The following HIVEP3 variants were observed in gnomAD, a reference collection of about 807,000 sequenced individuals.
HIVEP3 encodes the protein transcription factor HIVEP3.
Under a neutral mutation model 152.8 loss-of-function variants are expected in HIVEP3, and 49 were observed. That is an observed-to-expected ratio of 0.32 (90% CI 0.26 to 0.41). The LOEUF (loss-of-function observed/expected upper bound fraction) is 0.41, where lower values mean the gene tolerates loss of function less well. HIVEP3 is among the 10% of genes least tolerant of loss of function. The pLI is 1.00. For synonymous variants in HIVEP3, 1,269 were observed against 1,289.0 expected (o/e 0.98, Z 0.33); for missense variants, 2,790 against 3,103.3 (o/e 0.90, Z 2.40).
intron 2 of HIVEP3, among the ~76,000 whole-genome samples, chr1:41,651,411 CAAAAA>C (rs35508121): frequency 1.1e-5 from 1 of 89,064 alleles, no homozygotes. Flanking sequence ...AACTCCATCT[CAAAAA>C]AAAAAAAAAA....
intron 1 of HIVEP3, among the ~76,000 whole-genome samples, chr1:41,972,661 GA>G (rs1172822913): frequency 6.6e-6 from 1 of 152,222 alleles, no homozygotes; most frequent in Non-Finnish European, 1.5e-5. Context: ...GCATGTAACA[GA>G]TGAGCTTCAA....
intron 1 of HIVEP3, among the ~76,000 whole-genome samples, chr1:41,859,499 A>G (rs996754520): frequency 1.3e-4 from 20 of 152,206 alleles, no homozygotes; most frequent in African/African-American, 4.6e-4. Flanking sequence ...AAGAGGCAGG[A>G]GAATGTAAGG....
chr1:41,956,281 G>C (rs563416893), intron 1 of HIVEP3, among the ~76,000 whole-genome samples: 1 of 152,352 alleles, frequency 6.6e-6, no homozygotes, highest in East Asian at 1.9e-4. Context: ...ACACACTGGA[G>C]ATGGGGCTGT....
chr1:41,821,141 C>G (rs1642582610), intron 1 of HIVEP3, among the ~76,000 whole-genome samples: 1 of 152,208 alleles, frequency 6.6e-6, no homozygotes, highest in Non-Finnish European at 1.5e-5. Flanking sequence ...GTGACTCCAG[C>G]TTCAGAGACT....
chr1:41,731,822 C>T (rs1198263387), intron 1 of HIVEP3, among the ~76,000 whole-genome samples: 1 of 152,250 alleles, frequency 6.6e-6, no homozygotes, highest in Non-Finnish European at 1.5e-5. Flanking sequence ...AACTGCTCAG[C>T]TAAGCTGCTT....
chr1:41,693,946 C>T (rs541141637), intron 2 of HIVEP3, among the ~76,000 whole-genome samples: 35 of 152,196 alleles, frequency 2.3e-4, no homozygotes, highest in Non-Finnish European at 4.4e-4. Flanking sequence ...CCAATCCTCA[C>T]GTACACTGAT....
At chr1:41,609,675 C>T (rs977724517) in intron 3 of HIVEP3, among the ~76,000 whole-genome samples, 2 of 152,252 alleles carry the variant, frequency 1.3e-5, no homozygotes, top group Non-Finnish European at 2.9e-5. Flanking sequence ...GGAGGCCTCA[C>T]CTCTCTCATT....
At chr1:41,817,303 C>A (rs541974953) in intron 1 of HIVEP3, among the ~76,000 whole-genome samples, 1 of 151,878 alleles carries the variant, frequency 6.6e-6, no homozygotes, top group Admixed American at 6.6e-5. Flanking sequence ...ATCAGACAGA[C>A]AATAATTTGG....
intron 1 of HIVEP3, among the ~76,000 whole-genome samples, chr1:41,882,939 G>A (rs2124429258): frequency 6.6e-6 from 1 of 152,232 alleles, no homozygotes; most frequent in South Asian, 2.1e-4. Context: ...ATATGAGACA[G>A]GGCTGAACTG....
chr1:41,652,629 CG>C (rs1645569398), intron 2 of HIVEP3, among the ~76,000 whole-genome samples: 2 of 152,166 alleles, frequency 1.3e-5, no homozygotes. Context: ...AGGTGAAGAT[CG>C]GCCTAGTGAG....
At chr1:41,858,400 G>A (rs1036539739) in intron 1 of HIVEP3, among the ~76,000 whole-genome samples, 1 of 152,146 alleles carries the variant, frequency 6.6e-6, no homozygotes, top group Admixed American at 6.6e-5. Flanking sequence ...ATGGGAAAAA[G>A]GATGAGATGT....
At chr1:41,612,439 C>T (rs145690210) in intron 3 of HIVEP3, among the ~76,000 whole-genome samples, 3 of 152,210 alleles carry the variant, frequency 2.0e-5, no homozygotes, top group Admixed American at 6.5e-5. Flanking sequence ...GCTCCAACTG[C>T]CCCCTAAGAC....
At chr1:41,648,983 C>T (rs1645504398) in intron 2 of HIVEP3, among the ~76,000 whole-genome samples, 1 of 152,232 alleles carries the variant, frequency 6.6e-6, no homozygotes, top group Admixed American at 6.5e-5. Context: ...GCCTCTGCGT[C>T]CTTGTCTGCA....
At chr1:41,818,655 G>A (rs750224701) in intron 1 of HIVEP3, among the ~76,000 whole-genome samples, 4 of 152,126 alleles carry the variant, frequency 2.6e-5, no homozygotes, top group Admixed American at 2.0e-4. Context: ...ATACCATACC[G>A]AATGAAAACG....
intron 1 of HIVEP3, among the ~76,000 whole-genome samples, chr1:41,727,129 A>G (rs549301047): frequency 1.3e-5 from 2 of 152,282 alleles, no homozygotes; most frequent in Non-Finnish European, 2.9e-5. Flanking sequence ...GGAGATGCAG[A>G]GCTGGTGTTC....
Position 41,691,321 on chromosome 1 carries a change from T to C in HIVEP3, c.-721+9595A>G, listed in dbSNP as rs116398805. On this transcript the variant is annotated intron_variant, in intron 2 of 8. Transcript: ENST00000372583. ...CTGTAAAAAGTTAAAGCATTATCAG[T>C]ATAAAGAAGAAGAGAAAAAAATCCT... Among the ~76,000 whole-genome samples the C allele has an allele frequency of 6.1e-3, 923 of 152,314 alleles. 13 individuals carry two copies. Among genetic ancestry groups the C allele is most frequent in the African/African-American group, 0.021 (890 of 41,560 alleles).
Position 41,581,787 on chromosome 1 carries a change from T to C in HIVEP3, c.3011A>G (p.His1004Arg), listed in dbSNP as rs1644414113. The C allele has an allele frequency of 6.3e-7, 1 of 1,587,082 alleles. No homozygotes were observed. The highest frequency in any genetic ancestry group is 2.2e-5 in the East Asian group (1 of 44,662). Reference sequence around the variant, plus strand: ...GGATTTGCTGCGTGTCTCGGTCATGTGGGCAGAATGGGAAACGTTGGGGCT... The same window carrying C: ...GGATTTGCTGCGTGTCTCGGTCATGCGGGCAGAATGGGAAACGTTGGGGCT... The part of the protein sequence containing the change: ...EQSPNVSHSA[H>R]MTETRSKSFD... The change falls in exon 4 of 9, where the codon CAC (histidine) becomes CGC (arginine). Residue 1004 changes from histidine to arginine, a missense_variant. Around this residue, in one of 9 missense-constraint regions of HIVEP3, gnomAD observed 1,078 missense variants for 1,165.3 expected, o/e 0.93. Transcript: ENST00000372583. This position sits in a 1 kb window ranked among gnomAD's most constrained non-coding sequence, Gnocchi z 4.5.
intron 5 of HIVEP3, among the ~76,000 whole-genome samples, chr1:41,540,706 C>T (rs1471423463): frequency 1.3e-5 from 2 of 152,156 alleles, no homozygotes; most frequent in African/African-American, 4.8e-5. Flanking sequence ...GGTAGCTCAG[C>T]CAAAAGGCAG....
At chr1:41,751,207 T>C (rs1461694431) in intron 1 of HIVEP3, among the ~76,000 whole-genome samples, 2 of 151,590 alleles carry the variant, frequency 1.3e-5, no homozygotes, top group African/African-American at 4.9e-5. Flanking sequence ...GCTCTGAGGA[T>C]AAAAAGTGAC....
Sources: allele counts gnomAD v4.1 joint callset (sites outside exome capture counted in the v4.1 genomes callset), GRCh38; gene constraint gnomAD v4.1.1; regional missense constraint gnomAD v4.1.1; non-coding constraint Gnocchi (gnomAD v3.1); transcripts MANE v1.5; gene names NCBI Gene and HGNC (gene_info 2026-07-23, HGNC 2026-07-21).